The following SEMA4B variants were observed in gnomAD, a reference collection of about 807,000 sequenced individuals.
SEMA4B encodes the protein semaphorin 4B, also known as semaphorin-4B.
SEMA4B carries 55 observed loss-of-function variants against 88.1 expected under a neutral mutation model. The ratio of observed to expected loss-of-function variants is 0.62; its 90% CI spans 0.50 to 0.78. The LOEUF (loss-of-function observed/expected upper bound fraction) is 0.78. Among genes scored for constraint, SEMA4B ranks in the 30% least tolerant of loss-of-function variants. The pLI, the probability that SEMA4B is intolerant of heterozygous loss-of-function variation, is 0.00. For missense variants in SEMA4B, 1,062 were observed against 1,111.9 expected, an observed-to-expected ratio of 0.96 and a Z score of 0.64; for synonymous variants, 525 against 473.6, an observed-to-expected ratio of 1.11 and a Z score of -1.41.
Position 90,201,350 on chromosome 15 carries a change from C to T in SEMA4B, c.-229C>T. 8.1e-7 allele frequency: 1 copy of T among 1,238,132 alleles called. No individual in the cohort carries two copies. Among genetic ancestry groups the T allele is most frequent in the Non-Finnish European group, 1.0e-6 (1 of 990,000 alleles). 76.7% of individuals were successfully genotyped at this position (1,238,132 alleles called of 1,614,324 possible). On this transcript the variant is annotated 5_prime_UTR_variant, in exon 1 of 14. Coordinates refer to ENST00000411539, the MANE Select transcript of SEMA4B (RefSeq NM_198925.4). ...CCGCCGCTTGCGGGTGAGCTCTGCC[C>T]AAGCCGAGGCTGCGGGGCCGGCGCC...
At position 90,228,539 on chromosome 15, in the gene SEMA4B, G is replaced by C. The variant is rs752533995; in HGVS notation, c.2410G>C (p.Glu804Gln). 2 of 1,612,934 alleles carry C rather than the reference G, an allele frequency of 1.2e-6. No individual in the cohort carries two copies. The highest frequency in any genetic ancestry group is 3.3e-5 in the Admixed American group (2 of 59,928). Residue 804 changes from glutamate to glutamine, a missense_variant, in exon 14 of 14, where the codon GAG becomes CAG. Transcript: ENST00000411539. Reference sequence around the variant, plus strand: ...GGGGTCCCGAGTCTTCACTGAGTCAGAGAAGAGGCCACTCAGCATCCAAGA... The same window carrying C: ...GGGGTCCCGAGTCTTCACTGAGTCACAGAAGAGGCCACTCAGCATCCAAGA... ...PPGSRVFTESEKRPLSIQDSF... is the reference protein window; with the variant it reads ...PPGSRVFTESQKRPLSIQDSF...
At position 90,217,611 on chromosome 15, in the gene SEMA4B, T is replaced by A. The variant is rs558944349; in HGVS notation, c.321+9T>A. ...GCGGGGAGTACCAGGAGGTGAGAGA[T>A]GTTGCCTGGAGCTGGCTAGGCTGGG... On this transcript the variant is annotated intron_variant, in intron 2 of 13. Transcript: ENST00000411539. 1.2e-6 allele frequency: 2 copies of A among 1,613,174 alleles called. No homozygotes were observed. Among genetic ancestry groups the A allele is most frequent in the Admixed American group, 1.7e-5 (1 of 59,956 alleles).
At chr15:90,192,391 A>G (rs1960369580) in intron 1 of SEMA4B, among the ~76,000 whole-genome samples, 2 of 152,186 alleles carry the variant, frequency 1.3e-5, no homozygotes, top group South Asian at 4.1e-4. Flanking sequence ...GCCTGCATGC[A>G]GCTGGGCAGA....
At chr15:90,217,746 T>C in intron 2 of SEMA4B, 21 bp from the exon 3 acceptor site, 1 of 1,612,612 alleles carries the variant, frequency 6.2e-7, no homozygotes, top group Non-Finnish European at 8.5e-7. Context: ...GTCCACTACC[T>C]TCCCCTTTCT....
At chr15:90,185,461 G>C (rs1295018748) in intron 1 of SEMA4B, among the ~76,000 whole-genome samples, 1 of 152,270 alleles carries the variant, frequency 6.6e-6, no homozygotes, top group Non-Finnish European at 1.5e-5. Flanking sequence ...TAGGCCCTTT[G>C]TCATGGCTTC....
Position 90,229,159 on chromosome 15 carries a change from C to A in SEMA4B, c.*516C>A. On this transcript the variant is annotated 3_prime_UTR_variant, in exon 14 of 14. Coordinates refer to ENST00000411539, the MANE Select transcript of SEMA4B (RefSeq NM_198925.4). ...AGGACCAGCTTGGGCTGCGTGCGTT[C>A]TGCCTTGCCAGTCAGCCGAGGATGT... 1 of 375,058 alleles carries A rather than the reference C, an allele frequency of 2.7e-6. No homozygotes were observed. Among genetic ancestry groups the A allele is most frequent in the South Asian group, 2.0e-5 (1 of 51,062 alleles). The allele number at this position is 375,058 out of a possible 1,614,324, so 23.2% of individuals were successfully genotyped here.
chr15:90,197,557 C>T (rs1171275793), upstream of SEMA4B, among the ~76,000 whole-genome samples: 1 of 151,748 alleles, frequency 6.6e-6, no homozygotes, highest in African/African-American at 2.4e-5. Flanking sequence ...CCTGCCTCAG[C>T]CTCCCGAGTA....
At position 90,212,908 on chromosome 15, in the gene SEMA4B, A is replaced by AACCCCC. The variant is rs1961343898; in HGVS notation, c.158-4530_158-4525dup. Among the ~76,000 whole-genome samples the AACCCCC allele has an allele frequency of 6.6e-6, 1 of 152,152 alleles. No individual in the cohort carries two copies. On this transcript the variant is annotated intron_variant, in intron 1 of 13. Transcript: ENST00000411539. The surrounding 1 kb of genome is among the most constrained non-coding windows in gnomAD (Gnocchi z 4.0). ...TAGAATCGCCCAGGCTAAGTTCGTG[A>AACCCCC]ACCCCCTGGATGAGGGAGGCCCGAC...
At chr15:90,194,593 G>A (rs1960445204) in intron 1 of SEMA4B, among the ~76,000 whole-genome samples, 2 of 151,850 alleles carry the variant, frequency 1.3e-5, no homozygotes, top group Admixed American at 1.3e-4. Context: ...CTAGTGGCGT[G>A]CCATTGGGCT....
In SEMA4B at chr15:90,217,784, C is replaced by G. The variant is rs200065405; in HGVS notation, c.339C>G (p.Asp113Glu). The change falls in exon 3 of 14, where the codon GAC (aspartate) becomes GAG (glutamate). Residue 113 changes from aspartate to glutamate, a missense_variant. By Grantham distance (45) the Asp-to-Glu change is conservative (BLOSUM62 2). Transcript: ENST00000411539. ...TTCCCCAGCTGCTTTGGGGTGCAGA[C>G]GCAGAGAAGAAACAGCAGTGCAGCT... ...GEYQELLWGA[D>E]AEKKQQCSFK... 1.9e-6 allele frequency: 3 copies of G among 1,613,530 alleles called. No homozygotes were observed. Among genetic ancestry groups the G allele is most frequent in the Non-Finnish European group, 2.5e-6 (3 of 1,179,670 alleles).
chr15:90,219,820 C>A lies in SEMA4B; in HGVS notation c.412C>A (p.Leu138Ile), dbSNP rs1023994109. The change falls in exon 4 of 14, where the codon CTC becomes ATC. Residue 138 changes from leucine to isoleucine, a missense_variant. By Grantham distance (5) the Leu-to-Ile change is conservative. Transcript: ENST00000411539. Reference sequence around the variant, plus strand: ...CGACTGTCAAAACTACATCAAGATCCTCCTGCCGCTCAGCGGCAGTCACCT... The same window carrying A: ...CGACTGTCAAAACTACATCAAGATCATCCTGCCGCTCAGCGGCAGTCACCT... ...QRDCQNYIKI[L>I]LPLSGSHLFT... 43 of 1,613,446 alleles carry A rather than the reference C, an allele frequency of 2.7e-5. No individual in the cohort carries two copies. Among genetic ancestry groups the A allele is most frequent in the Non-Finnish European group, 3.1e-5 (37 of 1,179,788 alleles).
chr15:90,204,400 A>T (rs936262835), intron 1 of SEMA4B, among the ~76,000 whole-genome samples: 1 of 152,174 alleles, frequency 6.6e-6, no homozygotes, highest in Non-Finnish European at 1.5e-5. Flanking sequence ...GGGGTCCTTC[A>T]TAGGGAACCC....
upstream of SEMA4B, among the ~76,000 whole-genome samples, chr15:90,197,078 A>G (rs7178860): frequency 0.23 from 34,809 of 151,926 alleles, 4,563 homozygotes; most frequent in East Asian, 0.58. Context: ...TTCTCTTATT[A>G]GAGAGTAGGA....
At position 90,228,693 on chromosome 15, in the gene SEMA4B, C is replaced by A; in HGVS notation, c.*50C>A. On this transcript the variant is annotated 3_prime_UTR_variant, in exon 14 of 14. Transcript: ENST00000411539. The stretch of plus-strand genomic sequence containing the variant: ...CCTGGCTTCAGGGGCTGTGAATGCT[C>A]GGAGAGGGTCAACTGGACCTCCCCT... 6.2e-7 allele frequency: 1 copy of A among 1,606,832 alleles called. No individual in the cohort carries two copies. The highest frequency in any genetic ancestry group is 8.5e-7 in the Non-Finnish European group (1 of 1,177,220).
chr15:90,201,112 G>A (rs1057153957), upstream of SEMA4B, among the ~76,000 whole-genome samples: 23 of 152,164 alleles, frequency 1.5e-4, no homozygotes, highest in African/African-American at 5.5e-4. Context: ...GCGGCGGTGG[G>A]AGGGTCTGAG....
chr15:90,195,671 G>A (rs1299526045), intron 1 of SEMA4B, among the ~76,000 whole-genome samples: 2 of 152,070 alleles, frequency 1.3e-5, no homozygotes, highest in African/African-American at 2.4e-5. Flanking sequence ...GAGCAGTGGC[G>A]TGATCTCAGC....
At chr15:90,189,992 G>A (rs936223950) in intron 1 of SEMA4B, among the ~76,000 whole-genome samples, 2 of 152,162 alleles carry the variant, frequency 1.3e-5, no homozygotes, top group African/African-American at 4.8e-5. Context: ...AAGATGAGAC[G>A]GCTAGAGATA....
Position 90,190,119 on chromosome 15 carries a change from G to A in SEMA4B, c.-122+5038G>A, listed in dbSNP as rs374403164. ...GTCCCTGGTGTGGTGCCCACCAGCC[G>A]GACCCTCATTCACAGTGCATAAATG... On this transcript the variant is annotated intron_variant, in intron 1 of 14. Coordinates refer to the SEMA4B transcript ENST00000332496. 5.9e-5 allele frequency among the ~76,000 whole-genome samples: 9 copies of A among 152,286 alleles called. No homozygotes were observed. The East Asian group carries it at 7.7e-4, about 13-fold the overall frequency.
Position 90,225,843 on chromosome 15 carries a change from G to A in SEMA4B, c.1688+16G>A. 6.7e-7 allele frequency: 1 copy of A among 1,502,494 alleles called. No individual in the cohort carries two copies. Among genetic ancestry groups the A allele is most frequent in the Non-Finnish European group, 8.9e-7 (1 of 1,127,222 alleles). 93.1% of individuals were successfully genotyped at this position (1,502,494 alleles called of 1,614,324 possible). ...TGGCCACCAGGTGAGCACTCCCAAA[G>A]GCCCCTTCCCATCTGTCCAGCCCTG... On this transcript the variant is annotated intron_variant, in intron 12 of 13. Transcript: ENST00000411539.
Sources: allele counts gnomAD v4.1 joint callset (sites outside exome capture counted in the v4.1 genomes callset), GRCh38; gene constraint gnomAD v4.1.1; non-coding constraint Gnocchi (gnomAD v3.1); transcripts MANE v1.5; gene names NCBI Gene and HGNC (gene_info 2026-07-23, HGNC 2026-07-21).